ZC3HAV1: variants seen among roughly 807,000 people sequenced by gnomAD.
ZC3HAV1 encodes zinc finger CCCH-type antiviral protein 1.
A neutral mutation model predicts 86.6 loss-of-function variants in ZC3HAV1; 41 were observed. The observed-to-expected ratio is 0.47, with a 90% confidence interval of 0.37 to 0.61. The LOEUF (loss-of-function observed/expected upper bound fraction) is 0.61. Among genes scored for constraint, ZC3HAV1 ranks in the 20% least tolerant of loss-of-function variants. The pLI is 0.00. For synonymous variants in ZC3HAV1, 421 were observed against 432.1 expected, an observed-to-expected ratio of 0.97 and a Z score of 0.32; for missense variants, 964 against 1,141.1, an observed-to-expected ratio of 0.84 and a Z score of 2.24.
In ZC3HAV1 at chr7:139,047,814, T is replaced by C; in HGVS notation, c.2489A>G (p.Asn830Ser). The C allele has an allele frequency of 1.2e-6, 2 of 1,613,746 alleles. No individual in the cohort carries two copies. The highest frequency in any genetic ancestry group is 8.5e-7 in the Non-Finnish European group (1 of 1,179,958). ...FAKDAIYSHK[N>S]CPYDAKNVVM... ...GACGTTTTTGGCATCATACGGGCAA[T>C]TTTTGTGGGAATAGATGGCATCTTT... is the stretch of plus-strand genomic sequence containing the variant. The change falls in exon 13 of 13, where the codon AAT becomes AGT. Residue 830 changes from asparagine (N) to serine (S), a missense_variant. Coordinates refer to ENST00000242351, the MANE Select transcript of ZC3HAV1 (RefSeq NM_020119.4).
chr7:139,045,816 C>A lies in ZC3HAV1; in HGVS notation c.*1778G>T, dbSNP rs569258213. 1 of 149,762 alleles carries A rather than the reference C, an allele frequency of 6.7e-6. No homozygotes were observed. The highest frequency in any genetic ancestry group is 1.5e-5 in the Non-Finnish European group (1 of 67,716). 9.3% of individuals were successfully genotyped at this position (149,762 alleles called of 1,614,324 possible). Reference sequence around the variant, plus strand: ...AGTTCAGAAAATGAACACTCCAAAACGAAAGTTACCATGAAAGAAATAAGT... The same window carrying A: ...AGTTCAGAAAATGAACACTCCAAAAAGAAAGTTACCATGAAAGAAATAAGT... On this transcript the variant is annotated 3_prime_UTR_variant, in exon 13 of 13. Transcript: ENST00000242351.
intron 12 of ZC3HAV1, among the ~76,000 whole-genome samples, chr7:139,052,919 T>TG (rs1417226764): frequency 3.7e-5 from 5 of 136,938 alleles, no homozygotes; most frequent in Non-Finnish European, 7.6e-5. Flanking sequence ...AGACCCTGTC[T>TG]CAAAAAAAAA....
chr7:139,085,338 A>G (rs952137096), intron 2 of ZC3HAV1, among the ~76,000 whole-genome samples: 2 of 152,244 alleles, frequency 1.3e-5, no homozygotes, highest in African/African-American at 4.8e-5. Context: ...GACCAGAACA[A>G]ATGAAAGCAT....
intron 2 of ZC3HAV1, among the ~76,000 whole-genome samples, chr7:139,087,566 C>A (rs1278929101): frequency 6.6e-6 from 1 of 152,154 alleles, no homozygotes; most frequent in African/African-American, 2.4e-5. Context: ...CAACCCCCAA[C>A]AAGTCTTTAT....
At chr7:139,076,492 A>G in intron 5 of ZC3HAV1, 83 bp from the exon 6 acceptor site, 1 of 1,569,998 alleles carries the variant, frequency 6.4e-7, no homozygotes, top group Non-Finnish European at 8.6e-7. Context: ...AGCTTTCCCC[A>G]TCCATGCCTG....
intron 9 of ZC3HAV1, among the ~76,000 whole-genome samples, chr7:139,056,367 G>A (rs1000713328): frequency 7.1e-5 from 10 of 140,660 alleles, no homozygotes; most frequent in Non-Finnish European, 1.5e-4. Flanking sequence ...TCACCTAGTC[G>A]TTGTTTTTAT....
Position 139,045,092 on chromosome 7 carries a change from C to A in ZC3HAV1, c.*2502G>T, listed in dbSNP as rs1240636967. ...TTACAGCTGTGCCCAAGTTAGGTAC[C>A]TTTTATTTCCTCTTTATGTTCATAT... is the stretch of plus-strand genomic sequence containing the variant. On this transcript the variant is annotated 3_prime_UTR_variant, in exon 13 of 13. Transcript: ENST00000242351. 6.6e-6 allele frequency: 1 copy of A among 152,002 alleles called. No homozygotes were observed. The highest frequency in any genetic ancestry group is 1.5e-5 in the Non-Finnish European group (1 of 67,996). The allele number at this position is 152,002 out of a possible 1,614,324, so 9.4% of individuals were successfully genotyped here.
At chr7:139,103,250 GTTTTTTAT>G (rs1048944704) in intron 1 of ZC3HAV1, among the ~76,000 whole-genome samples, 70 of 149,014 alleles carry the variant, frequency 4.7e-4, no homozygotes, top group East Asian at 3.3e-3. Flanking sequence ...TATTTTACTT[GTTTTTTAT>G]TTTTTTATTT....
intron 1 of ZC3HAV1, among the ~76,000 whole-genome samples, chr7:139,090,676 A>G (rs911868791): frequency 6.6e-6 from 1 of 152,228 alleles, no homozygotes; most frequent in African/African-American, 2.4e-5. Context: ...TGGTAAATAG[A>G]AATGCAAAAT....
intron 1 of ZC3HAV1, among the ~76,000 whole-genome samples, chr7:139,102,062 G>A (rs183454451): frequency 1.3e-5 from 2 of 150,876 alleles, no homozygotes; most frequent in African/African-American, 2.4e-5. Context: ...TCATGTACAT[G>A]TACACAAAGA....
chr7:139,095,808 G>T (rs1817569238), intron 1 of ZC3HAV1, among the ~76,000 whole-genome samples: 1 of 152,012 alleles, frequency 6.6e-6, no homozygotes, highest in South Asian at 2.1e-4. Flanking sequence ...ACCATCTAGG[G>T]ACTTAAAAAA....
At chr7:139,065,747 T>C (rs966742527) in intron 7 of ZC3HAV1, among the ~76,000 whole-genome samples, 4 of 151,812 alleles carry the variant, frequency 2.6e-5, no homozygotes, top group Non-Finnish European at 5.9e-5. Context: ...CTACTAAAAA[T>C]TCAAAAATTA....
rs554331150 is a variant in ZC3HAV1 at position 139,053,658 on chromosome 7, G to C, written c.2319-77C>G. The C allele has an allele frequency of 4.7e-5, 70 of 1,477,506 alleles. No homozygotes were observed. In the East Asian group the frequency reaches 1.6e-3, roughly 34 times the overall value. The allele number at this position is 1,477,506 out of a possible 1,614,324, so 91.5% of individuals were successfully genotyped here. A position where few individuals can be genotyped will look rare whatever the true frequency, so the allele number is the denominator to read the frequency against. ...GTTGATAACATTAATCCCAGCTAAA[G>C]TCTAATCATCTAAAAATTTCACTCC... On this transcript the variant is annotated intron_variant, in intron 11 of 12. Coordinates refer to ENST00000242351, the MANE Select transcript of ZC3HAV1 (RefSeq NM_020119.4).
Position 139,089,776 on chromosome 7 carries a change from C to T in ZC3HAV1, c.309-17G>A. ...CATAAATTCCTGGAAGAAAACACGA[C>T]AATGGTCAGTATTTCTACTACACAG... is the stretch of plus-strand genomic sequence containing the variant. On this transcript the variant is annotated splice_polypyrimidine_tract_variant and intron_variant, in intron 1 of 12. Coordinates refer to ENST00000242351, the MANE Select transcript of ZC3HAV1 (RefSeq NM_020119.4). 1.2e-6 allele frequency: 2 copies of T among 1,602,714 alleles called. No homozygotes were observed. The highest frequency in any genetic ancestry group is 1.1e-5 in the South Asian group (1 of 88,598).
At chr7:139,062,535 C>T (rs1816474422) in intron 8 of ZC3HAV1, among the ~76,000 whole-genome samples, 1 of 152,212 alleles carries the variant, frequency 6.6e-6, no homozygotes, top group African/African-American at 2.4e-5. Context: ...TCCACCGTTT[C>T]ATTTTCTCAG....
chr7:139,093,003 G>A (rs1033179901), intron 1 of ZC3HAV1, among the ~76,000 whole-genome samples: 5 of 152,212 alleles, frequency 3.3e-5, no homozygotes, highest in Admixed American at 1.3e-4. Flanking sequence ...GATCAGCCAC[G>A]AAGGTGGGGC....
intron 7 of ZC3HAV1, 28 bp downstream of exon 7, chr7:139,073,828 G>A (rs779916427): frequency 6.4e-7 from 1 of 1,573,160 alleles, no homozygotes; most frequent in Admixed American, 1.8e-5. Flanking sequence ...TTAAACAAGA[G>A]CCCCCTACAA....
intron 12 of ZC3HAV1, among the ~76,000 whole-genome samples, chr7:139,048,997 ATATGGTGGTT>A (rs931940180): frequency 1.4e-5 from 1 of 71,546 alleles, no homozygotes; most frequent in Non-Finnish European, 3.2e-5. Context: ...ATATATGTGC[ATATGGTGGTT>A]TATGGTGGTT....
chr7:139,084,408 T>C (rs2130712432), intron 2 of ZC3HAV1, among the ~76,000 whole-genome samples: 1 of 152,384 alleles, frequency 6.6e-6, no homozygotes, highest in East Asian at 1.9e-4. Flanking sequence ...TACCTGCAAC[T>C]GTTTGGAAAT....
Sources: allele counts gnomAD v4.1 joint callset (sites outside exome capture counted in the v4.1 genomes callset), GRCh38; gene constraint gnomAD v4.1.1; transcripts MANE v1.5; gene names NCBI Gene and HGNC (gene_info 2026-07-23, HGNC 2026-07-21).